Variants in ATRNL1 observed in about 807,000 individuals in gnomAD.
ATRNL1 encodes the protein attractin like 1.
In ATRNL1, 95 loss-of-function variants were observed where a neutral mutation model predicts 182.7. That is an observed-to-expected ratio of 0.52 (90% CI 0.44 to 0.62). The LOEUF (loss-of-function observed/expected upper bound fraction) is 0.62, where lower values mean the gene tolerates loss of function less well. ATRNL1 is among the 20% of genes least tolerant of loss of function. ATRNL1 has a pLI of 0.00. For synonymous variants in ATRNL1, 576 were observed against 568.3 expected, an observed-to-expected ratio of 1.01 and a Z score of -0.19; for missense variants, 1,471 against 1,679.5, an observed-to-expected ratio of 0.88 and a Z score of 2.17.
At chr10:115,584,829 A>C (rs1327976764) in intron 26 of ATRNL1, among the ~76,000 whole-genome samples, 9 of 151,312 alleles carry the variant, frequency 5.9e-5, no homozygotes, top group Non-Finnish European at 1.0e-4. Context: ...TAGTTCTTTT[A>C]ATTGTGATGT....
chr10:115,894,674 G>T (rs574017089), intron 28 of ATRNL1, among the ~76,000 whole-genome samples: 1 of 152,226 alleles, frequency 6.6e-6, no homozygotes, highest in Non-Finnish European at 1.5e-5. Context: ...AAAATCGCGG[G>T]GTGTCTGTTA....
chr10:115,198,196 A>G (rs1848432564), intron 8 of ATRNL1, among the ~76,000 whole-genome samples: 1 of 152,170 alleles, frequency 6.6e-6, no homozygotes, highest in African/African-American at 2.4e-5. Context: ...CTTTCTGATA[A>G]TAACGATTCT....
intron 28 of ATRNL1, 60 bp from the exon 29 acceptor site, chr10:115,944,598 A>G (rs923562067): frequency 2.0e-6 from 3 of 1,477,524 alleles, no homozygotes. Context: ...CTTCACCACC[A>G]CTGTTGCCAT....
intron 28 of ATRNL1, among the ~76,000 whole-genome samples, chr10:115,938,841 G>T (rs543049712): frequency 2.0e-5 from 3 of 152,078 alleles, no homozygotes; most frequent in Admixed American, 2.0e-4. Context: ...ATTACCAGAG[G>T]CTAGGGGAAG....
intron 26 of ATRNL1, among the ~76,000 whole-genome samples, chr10:115,595,248 C>T (rs947796531): frequency 3.3e-5 from 5 of 152,028 alleles, no homozygotes; most frequent in Non-Finnish European, 7.4e-5. Flanking sequence ...ATTCTTCCTT[C>T]CTTCCCTTTT....
At chr10:115,300,304 C>T in intron 16 of ATRNL1, 57 bp downstream of exon 16, 1 of 1,406,344 alleles carries the variant, frequency 7.1e-7, no homozygotes. Context: ...CCCATCTTCT[C>T]ATTCCTTCCT....
At chr10:115,742,201 G>A (rs1265458102) in intron 27 of ATRNL1, among the ~76,000 whole-genome samples, 2 of 152,122 alleles carry the variant, frequency 1.3e-5, no homozygotes, top group Non-Finnish European at 2.9e-5. Context: ...GGAAGGACAT[G>A]AGATAGTAAT....
chr10:115,682,288 C>A lies in ATRNL1; in HGVS notation c.3796-44960C>A, dbSNP rs537677986. ...GCATGGTGGCTCACACCTGTAATCCCAGCACTTTGGGAGGCCAAGGTGGAT... is the reference window on the plus strand; with the variant it reads ...GCATGGTGGCTCACACCTGTAATCCAAGCACTTTGGGAGGCCAAGGTGGAT... On this transcript the variant is annotated intron_variant, in intron 26 of 28. Coordinates refer to ENST00000355044, the MANE Select transcript of ATRNL1 (RefSeq NM_207303.4). Among the ~76,000 whole-genome samples the A allele has an allele frequency of 6.6e-5, 10 of 152,202 alleles. No individual in the cohort carries two copies. The East Asian group carries it at 1.9e-3, about 30-fold the overall frequency.
chr10:115,621,494 G>C (rs1159225181), intron 26 of ATRNL1, among the ~76,000 whole-genome samples: 1 of 151,888 alleles, frequency 6.6e-6, no homozygotes, highest in Admixed American at 6.6e-5. Flanking sequence ...TAGAGACGGG[G>C]TTTTGTCATA....
intron 13 of ATRNL1, among the ~76,000 whole-genome samples, chr10:115,273,608 C>G (rs547752373): frequency 6.6e-6 from 1 of 152,336 alleles, no homozygotes; most frequent in Non-Finnish European, 1.5e-5. Flanking sequence ...TTTCCTTTCA[C>G]TACTGTACTT....
intron 5 of ATRNL1, among the ~76,000 whole-genome samples, chr10:115,132,446 A>G (rs1239230596): frequency 6.6e-6 from 1 of 152,180 alleles, no homozygotes; most frequent in Non-Finnish European, 1.5e-5. Context: ...GTATATACCC[A>G]GTAATGGGAT....
intron 20 of ATRNL1, among the ~76,000 whole-genome samples, chr10:115,421,116 T>A (rs1332654404): frequency 6.6e-6 from 1 of 152,136 alleles, no homozygotes; most frequent in Non-Finnish European, 1.5e-5. Flanking sequence ...TAGCAAATAT[T>A]TAAAAATGAA....
intron 24 of ATRNL1, among the ~76,000 whole-genome samples, chr10:115,513,564 A>G (rs1281238501): frequency 6.6e-6 from 1 of 152,026 alleles, no homozygotes; most frequent in African/African-American, 2.4e-5. Context: ...TTTATTTGAT[A>G]TATGCATAAA....
At chr10:115,685,064 G>T (rs1174369749) in intron 26 of ATRNL1, among the ~76,000 whole-genome samples, 1 of 151,658 alleles carries the variant, frequency 6.6e-6, no homozygotes, top group Non-Finnish European at 1.5e-5. Flanking sequence ...ATGGGTACTG[G>T]CCTCTGACTT....
chr10:115,833,319 G>A (rs1020138029), intron 27 of ATRNL1, among the ~76,000 whole-genome samples: 5 of 152,234 alleles, frequency 3.3e-5, no homozygotes, highest in East Asian at 1.9e-4. Context: ...CTAAAGTCAC[G>A]TGATCTGTAT....
chr10:115,924,652 C>A (rs1041922386), intron 28 of ATRNL1, among the ~76,000 whole-genome samples: 28 of 152,142 alleles, frequency 1.8e-4, no homozygotes, highest in African/African-American at 6.3e-4. Context: ...ATTACTGTAG[C>A]CTTGTAAGAT....
chr10:115,901,743 G>GAA (rs562327427), intron 28 of ATRNL1, among the ~76,000 whole-genome samples: 37 of 58,042 alleles, frequency 6.4e-4, no homozygotes, highest in Admixed American at 8.3e-4. Flanking sequence ...GAACTGAGAA[G>GAA]AAAAAAAAAA....
intron 15 of ATRNL1, among the ~76,000 whole-genome samples, 180 bp downstream of exon 15, chr10:115,286,577 G>T (rs544719744): frequency 1.3e-5 from 2 of 152,046 alleles, no homozygotes; most frequent in Admixed American, 1.3e-4. Flanking sequence ...ATAAGGTTTT[G>T]TAAATTATCA....
Position 115,623,520 on chromosome 10 carries a change from T to C in ATRNL1, c.3795+73984T>C, listed in dbSNP as rs187373508. Among the ~76,000 whole-genome samples, 127 of 152,310 alleles carry C rather than the reference T, an allele frequency of 8.3e-4. No homozygotes were observed. In the Middle Eastern group the frequency reaches 0.01, roughly 12 times the overall value. ...GAGAAAAATCTATAGTCTTAACTATTCATATTTAAAACAAATACAAAAGCT... is the reference window on the plus strand; with the variant it reads ...GAGAAAAATCTATAGTCTTAACTATCCATATTTAAAACAAATACAAAAGCT... On this transcript the variant is annotated intron_variant, in intron 26 of 28. Transcript: ENST00000355044.
Sources: gnomAD v4.1 joint callset for allele counts (sites outside exome capture counted in the v4.1 genomes callset) on GRCh38, gnomAD v4.1.1 for gene constraint, MANE v1.5 for transcripts, NCBI Gene and HGNC (gene_info 2026-07-23, HGNC 2026-07-21) for gene names.